Variants in ANKRD55 observed in about 807,000 individuals in gnomAD.
The protein encoded by ANKRD55 is ankyrin repeat domain-containing protein 55.
A neutral mutation model predicts 60.6 loss-of-function variants in ANKRD55; 41 were observed. That is an observed-to-expected ratio of 0.68 (90% CI 0.53 to 0.88). The LOEUF is 0.88. ANKRD55 is among the 40% of genes least tolerant of loss of function. The pLI is 0.00. For missense variants in ANKRD55, 732 were observed against 767.6 expected, an observed-to-expected ratio of 0.95 and a Z score of 0.55; for synonymous variants, 264 against 290.3, an observed-to-expected ratio of 0.91 and a Z score of 0.92.
chr5:56,108,006 A>T (rs553010193), intron 10 of ANKRD55, among the ~76,000 whole-genome samples: 1 of 151,764 alleles, frequency 6.6e-6, no homozygotes, highest in East Asian at 1.9e-4. Context: ...AGTAGCTGAG[A>T]CCACAGGCAA....
At chr5:56,156,822 C>G (rs569114992) in intron 6 of ANKRD55, 1 of 152,320 alleles carries the variant, frequency 6.6e-6, no homozygotes, top group South Asian at 2.1e-4. Flanking sequence ...TGCTTTAAAC[C>G]ACTGAAGATA....
At chr5:56,126,143 GATAAA>G (rs200972488) in intron 8 of ANKRD55, among the ~76,000 whole-genome samples, 17 of 151,540 alleles carry the variant, frequency 1.1e-4, no homozygotes, top group South Asian at 2.1e-4. Flanking sequence ...CAAAAAAATA[GATAAA>G]ATAAAATAAA....
chr5:56,210,202 A>G (rs1759628522), intron 2 of ANKRD55, among the ~76,000 whole-genome samples: 2 of 152,032 alleles, frequency 1.3e-5, no homozygotes, highest in African/African-American at 4.8e-5. Context: ...TTCCTGAGAG[A>G]GAAGTATTTT....
At chr5:56,181,919 A>G (rs529881369) in intron 3 of ANKRD55, among the ~76,000 whole-genome samples, 1 of 152,000 alleles carries the variant, frequency 6.6e-6, no homozygotes, top group Admixed American at 6.5e-5. Flanking sequence ...ACTGAATTCT[A>G]TTTGCTAATA....
At chr5:56,123,492 G>A (rs1334462075) in intron 8 of ANKRD55, among the ~76,000 whole-genome samples, 1 of 152,142 alleles carries the variant, frequency 6.6e-6, no homozygotes, top group Non-Finnish European at 1.5e-5. Context: ...TGTGGCAGAT[G>A]TGATTAGTTC....
chr5:56,198,227 C>CTCAAGA (rs1211080356), intron 2 of ANKRD55, among the ~76,000 whole-genome samples: 2 of 152,132 alleles, frequency 1.3e-5, no homozygotes, highest in Non-Finnish European at 2.9e-5. Flanking sequence ...CCTGCTGGCT[C>CTCAAGA]TCAAGATAGT....
At chr5:56,192,063 G>A (rs1383434507) in intron 2 of ANKRD55, among the ~76,000 whole-genome samples, 1 of 152,164 alleles carries the variant, frequency 6.6e-6, no homozygotes, top group African/African-American at 2.4e-5. Flanking sequence ...ATGTCTAAAA[G>A]ATCTACATAA....
At chr5:56,149,452 A>G (rs309621) in intron 6 of ANKRD55, among the ~76,000 whole-genome samples, 143,481 of 152,286 alleles carry the variant, frequency 0.94, 67,740 homozygotes, top group African/African-American at 0.98. Context: ...CTTAGGCCAT[A>G]GAAGTCTAGG....
intron 6 of ANKRD55, chr5:56,156,892 C>G (rs985526344): frequency 1.3e-5 from 2 of 152,212 alleles, no homozygotes; most frequent in African/African-American, 4.8e-5. Context: ...CAGAGGGAGG[C>G]CTTTAATCAG....
At chr5:56,156,914 C>T (rs1345767803) in intron 6 of ANKRD55, 1 of 152,358 alleles carries the variant, frequency 6.6e-6, no homozygotes, top group Non-Finnish European at 1.5e-5. Flanking sequence ...AGGCTCAAGA[C>T]AGATGGGTGG....
At chr5:56,114,276 C>G (rs564952722) in intron 9 of ANKRD55, 1 of 157,706 alleles carries the variant, frequency 6.3e-6, no homozygotes, top group African/African-American at 2.4e-5. Flanking sequence ...TTCGGTGAGC[C>G]GAGATCGTGC....
At chr5:56,150,764 C>T (rs775643626) in intron 6 of ANKRD55, among the ~76,000 whole-genome samples, 13 of 151,482 alleles carry the variant, frequency 8.6e-5, no homozygotes, top group South Asian at 2.1e-4. Context: ...CCACGTGTGG[C>T]GGTGGGTGCC....
intron 2 of ANKRD55, among the ~76,000 whole-genome samples, chr5:56,231,047 A>T (rs1353565668): frequency 2.0e-5 from 3 of 152,192 alleles, no homozygotes; most frequent in African/African-American, 4.8e-5. Flanking sequence ...TTCCTGGGGA[A>T]ACTAAGGCCC....
chr5:56,139,175 G>A (rs760928266), intron 7 of ANKRD55, among the ~76,000 whole-genome samples: 39 of 152,210 alleles, frequency 2.6e-4, no homozygotes, highest in Non-Finnish European at 5.0e-4. Context: ...GAAAACTAAA[G>A]TCTTTACATG....
rs1269985148 is a variant in ANKRD55 at position 56,194,211 on chromosome 5, C to T, written c.59-10577G>A. 4.6e-5 allele frequency among the ~76,000 whole-genome samples: 7 copies of T among 150,734 alleles called. No homozygotes were observed. The South Asian group carries it at 6.3e-4, about 13-fold the overall frequency. ...CGCACCTGTAGTCCCAGCTACTTGG[C>T]AGGCTGAGGCAGGAGAACTGCTTGA... On this transcript the variant is annotated intron_variant, in intron 2 of 11. Coordinates refer to ENST00000341048, the MANE Select transcript of ANKRD55 (RefSeq NM_024669.3).
chr5:56,213,139 C>T (rs1404809243), intron 2 of ANKRD55, among the ~76,000 whole-genome samples: 2 of 152,070 alleles, frequency 1.3e-5, no homozygotes, highest in Non-Finnish European at 2.9e-5. Context: ...AGAGTATATA[C>T]AATTTTAATT....
intron 2 of ANKRD55, among the ~76,000 whole-genome samples, chr5:56,184,659 A>C (rs1261355199): frequency 2.0e-5 from 3 of 152,270 alleles, no homozygotes; most frequent in African/African-American, 7.2e-5. Flanking sequence ...GCACTTTGGG[A>C]GGCTGAGGTG....
rs191420347 is a variant in ANKRD55, at chr5:56,140,987, C to T, written c.612+2814G>A. ...CTGAGGCAGGAGAATTGCTTGAACC[C>T]GGGAGGCAGATGATGCAGTGAGCCA... On this transcript the variant is annotated intron_variant, in intron 7 of 11. Coordinates refer to ENST00000341048, the MANE Select transcript of ANKRD55 (RefSeq NM_024669.3). 5.9e-5 allele frequency among the ~76,000 whole-genome samples: 9 copies of T among 152,022 alleles called. No homozygotes were observed. In the East Asian group the frequency reaches 1.4e-3, roughly 23 times the overall value.
intron 9 of ANKRD55, among the ~76,000 whole-genome samples, chr5:56,114,912 T>C (rs995073625): frequency 4.6e-5 from 7 of 152,154 alleles, no homozygotes; most frequent in African/African-American, 9.7e-5. Context: ...TGGCTGGGTA[T>C]GATGGCTCAC....
Sources: allele counts gnomAD v4.1 joint callset (sites outside exome capture counted in the v4.1 genomes callset), GRCh38; gene constraint gnomAD v4.1.1; transcripts MANE v1.5; gene names NCBI Gene and HGNC (gene_info 2026-07-23, HGNC 2026-07-21).